PTPRD: variants seen among roughly 807,000 people sequenced by gnomAD.
The protein encoded by PTPRD is receptor-type tyrosine-protein phosphatase delta.
In PTPRD, 34 loss-of-function variants were observed where a neutral mutation model predicts 214.5. That is an observed-to-expected ratio of 0.16 (90% CI 0.12 to 0.21). The LOEUF (loss-of-function observed/expected upper bound fraction) is 0.21, where lower values mean the gene tolerates loss of function less well. PTPRD is among the 10% of genes least tolerant of loss of function. The pLI, the probability that PTPRD is intolerant of heterozygous loss-of-function variation, is 1.00. For missense variants in PTPRD, 2,545 were observed against 2,398.7 expected (o/e 1.06, Z -1.27); for synonymous variants, 1,128 against 845.7 (o/e 1.33, Z -5.79).
chr9:9,085,157 T>G (rs2099765177), intron 10 of PTPRD, among the ~76,000 whole-genome samples: 1 of 152,150 alleles, frequency 6.6e-6, no homozygotes, highest in Admixed American at 6.6e-5. Flanking sequence ...GGTCAACACT[T>G]AAAGTGACTT....
intron 5 of PTPRD, among the ~76,000 whole-genome samples, chr9:9,896,592 T>C (rs80196313): frequency 0.012 from 1,838 of 152,198 alleles, 13 homozygotes; most frequent in Middle Eastern, 0.045. Context: ...TCAGAACATT[T>C]ATATTTTTTT....
intron 3 of PTPRD, among the ~76,000 whole-genome samples, chr9:10,157,986 T>A (rs778259556): frequency 2.6e-5 from 4 of 151,202 alleles, no homozygotes; most frequent in Non-Finnish European, 2.9e-5. Flanking sequence ...TTCAACCCTA[T>A]CAAGTTGTTT....
chr9:8,787,718 C>G (rs2096049809), intron 11 of PTPRD, among the ~76,000 whole-genome samples: 1 of 152,000 alleles, frequency 6.6e-6, no homozygotes, highest in Non-Finnish European at 1.5e-5. Flanking sequence ...GACAGGAAGA[C>G]AGGAGAGAGG....
At chr9:9,397,375 G>A (rs760949005) in intron 9 of PTPRD, 74 bp downstream of exon 9, 6 of 152,288 alleles carry the variant, frequency 3.9e-5, no homozygotes, top group Admixed American at 3.3e-4. Context: ...AGGTTTTATA[G>A]GTAAAATAAA....
At chr9:10,336,645 G>A (rs1445285936) in intron 3 of PTPRD, among the ~76,000 whole-genome samples, 2 of 151,468 alleles carry the variant, frequency 1.3e-5, no homozygotes, top group African/African-American at 4.8e-5. Context: ...ATTTATGTCT[G>A]TCCTAGATGG....
chr9:9,112,242 C>G (rs1021780783), intron 10 of PTPRD, among the ~76,000 whole-genome samples: 4 of 152,162 alleles, frequency 2.6e-5, no homozygotes. Flanking sequence ...GTGCCCTCCT[C>G]TAGCTAATAA....
intron 2 of PTPRD, among the ~76,000 whole-genome samples, chr9:10,494,038 T>A (rs542216687): frequency 1.9e-4 from 29 of 152,042 alleles, no homozygotes; most frequent in African/African-American, 6.5e-4. Context: ...CTTCTTGTAA[T>A]TAACACGCTG....
intron 12 of PTPRD, among the ~76,000 whole-genome samples, chr9:8,659,925 T>G (rs182842445): frequency 6.0e-5 from 9 of 150,592 alleles, no homozygotes; most frequent in African/African-American, 9.7e-5. Context: ...AGAATAAATG[T>G]AGAGAGAGAG....
intron 2 of PTPRD, among the ~76,000 whole-genome samples, chr9:10,422,089 C>T (rs954437096): frequency 2.6e-5 from 4 of 151,990 alleles, no homozygotes; most frequent in Admixed American, 1.3e-4. Context: ...ACCAAAACAG[C>T]GTGGTACTGG....
At chr9:10,454,034 A>C (rs2098881018) in intron 2 of PTPRD, among the ~76,000 whole-genome samples, 1 of 151,672 alleles carries the variant, frequency 6.6e-6, no homozygotes, top group Non-Finnish European at 1.5e-5. Context: ...AACAAGCATA[A>C]TACAAGATAG....
chr9:9,866,151 A>G (rs903935828), intron 5 of PTPRD, among the ~76,000 whole-genome samples: 11 of 152,212 alleles, frequency 7.2e-5, no homozygotes, highest in African/African-American at 2.7e-4. Flanking sequence ...TCCATTTTCT[A>G]AAATATGTCT....
intron 10 of PTPRD, among the ~76,000 whole-genome samples, chr9:9,096,518 A>G (rs964955249): frequency 6.6e-6 from 1 of 152,234 alleles, no homozygotes. Context: ...ATTAGATGTT[A>G]ACCTGTAGAA....
At chr9:8,845,787 T>C (rs1464741393) in intron 11 of PTPRD, among the ~76,000 whole-genome samples, 1 of 152,228 alleles carries the variant, frequency 6.6e-6, no homozygotes, top group East Asian at 1.9e-4. Flanking sequence ...ATTTTCCCAC[T>C]GCAGTTCCTA....
At chr9:9,811,372 T>A (rs1179719482) in intron 5 of PTPRD, among the ~76,000 whole-genome samples, 1 of 152,086 alleles carries the variant, frequency 6.6e-6, no homozygotes, top group East Asian at 1.9e-4. Context: ...CAAAATCTCA[T>A]GATGAAACTT....
chr9:10,154,315 G>A (rs1422594098), intron 3 of PTPRD, among the ~76,000 whole-genome samples: 1 of 151,944 alleles, frequency 6.6e-6, no homozygotes, highest in Non-Finnish European at 1.5e-5. Flanking sequence ...TTTTAATGGG[G>A]TTGTTTTCTA....
At chr9:8,455,401 T>C (rs947939150) in intron 33 of PTPRD, among the ~76,000 whole-genome samples, 1 of 152,220 alleles carries the variant, frequency 6.6e-6, no homozygotes, top group Non-Finnish European at 1.5e-5. Flanking sequence ...ATGTTGATTG[T>C]GTAAATAACC....
At chr9:9,118,895 T>C (rs1417984958) in intron 10 of PTPRD, among the ~76,000 whole-genome samples, 1 of 152,126 alleles carries the variant, frequency 6.6e-6, no homozygotes, top group African/African-American at 2.4e-5. Context: ...CTAACAAAAG[T>C]GATGCACATG....
chr9:10,037,156 G>A (rs1329282426), intron 3 of PTPRD, among the ~76,000 whole-genome samples: 1 of 152,104 alleles, frequency 6.6e-6, no homozygotes, highest in Non-Finnish European at 1.5e-5. Flanking sequence ...CTCCCAAAGT[G>A]CTGGGATTAC....
intron 4 of PTPRD, among the ~76,000 whole-genome samples, chr9:9,998,251 G>T (rs1044904029): frequency 6.6e-6 from 1 of 151,132 alleles, no homozygotes; most frequent in Non-Finnish European, 1.5e-5. Flanking sequence ...CGGAGGTGGA[G>T]GTCACTGGGT....
Sources: gnomAD v4.1 joint callset for allele counts (sites outside exome capture counted in the v4.1 genomes callset) on GRCh38, gnomAD v4.1.1 for gene constraint, MANE v1.5 for transcripts, NCBI Gene and HGNC (gene_info 2026-07-23, HGNC 2026-07-21) for gene names.